The following B3GAT1 variants were observed in gnomAD, a reference collection of about 807,000 sequenced individuals.
The protein encoded by B3GAT1 is beta-1,3-glucuronyltransferase 1.
B3GAT1 carries 11 observed loss-of-function variants against 28.4 expected under a neutral mutation model. That is an observed-to-expected ratio of 0.39 (90% CI 0.24 to 0.64). B3GAT1 has a LOEUF of 0.64. B3GAT1 is among the 30% of genes least tolerant of loss of function. The pLI is 0.50. For synonymous variants in B3GAT1, 255 were observed against 223.1 expected (o/e 1.14, Z -1.27); for missense variants, 375 against 491.0 (o/e 0.76, Z 2.23).
chr11:134,387,132 G>GGAGTGTAGAT, intron 2 of B3GAT1: 1 of 187,586 alleles, frequency 5.3e-6, no homozygotes, highest in Non-Finnish European at 1.1e-5. Context: ...TGCCGACAGT[G>GGAGTGTAGAT]CTTCGCCCTT....
rs781722336 is a variant in B3GAT1 at position 134,384,032 on chromosome 11, G to C, written c.269C>G (p.Thr90Arg). ...SDTLPTIHVV[T>R]PTYSRPVQKA... ...CTGCACCGGGCGGCTGTAGGTGGGC[G>C]TCACCACGTGGATGGTGGGCAGCGT... The change falls in exon 3 of 6, where the codon ACG becomes AGG. Residue 90 changes from threonine (T) to arginine (R), a missense_variant. Transcript: ENST00000312527. 2 of 1,605,506 alleles carry C rather than the reference G, an allele frequency of 1.2e-6. No individual in the cohort carries two copies. Among genetic ancestry groups the C allele is most frequent in the East Asian group, 2.2e-5 (1 of 44,828 alleles).
At chr11:134,404,914 G>A (rs1465626779) in intron 1 of B3GAT1, among the ~76,000 whole-genome samples, 1 of 152,252 alleles carries the variant, frequency 6.6e-6, no homozygotes, top group African/African-American at 2.4e-5. Context: ...AGCCCAGGCA[G>A]GCTGGCAGAG....
intron 1 of B3GAT1, among the ~76,000 whole-genome samples, chr11:134,403,651 G>A (rs893893218): frequency 1.3e-5 from 2 of 152,136 alleles, no homozygotes; most frequent in Non-Finnish European, 1.5e-5. Flanking sequence ...GCCATTTATT[G>A]AGCTTTTGCT....
chr11:134,408,796 C>T (rs1944788408), intron 1 of B3GAT1, among the ~76,000 whole-genome samples: 1 of 118,724 alleles, frequency 8.4e-6, no homozygotes, highest in Non-Finnish European at 1.7e-5. Context: ...GGTGGGACAG[C>T]CTGCACCGAC....
intron 4 of B3GAT1, 96 bp from the exon 5 acceptor site, chr11:134,382,120 G>T: frequency 1.1e-6 from 1 of 946,510 alleles, no homozygotes; most frequent in Non-Finnish European, 1.7e-6. Flanking sequence ...CATTTCTCCT[G>T]CCCCTCCTTT....
intron 1 of B3GAT1, chr11:134,409,853 G>A (rs1052314552): frequency 6.6e-5 from 10 of 152,356 alleles, no homozygotes; most frequent in South Asian, 2.1e-4. Context: ...TCCTGAGCCC[G>A]TTCCTCTCCT....
rs548537208 is a variant in B3GAT1 at position 134,383,754 on chromosome 11, G to A, written c.547C>T (p.Arg183Cys). Residue 183 changes from arginine to cysteine, a missense_variant, in exon 3 of 6, where the codon CGC (arginine) becomes TGC (cysteine). Coordinates refer to ENST00000312527, the MANE Select transcript of B3GAT1 (RefSeq NM_054025.3). ...ALRWLRETFP[R>C]NSSQPGVVYF... ...ACCACGCCAGGCTGGCTGGAGTTGC[G>A]CGGGAAGGTCTCGCGCAGCCAGCGC... 2.5e-6 allele frequency: 4 copies of A among 1,596,294 alleles called. No individual in the cohort carries two copies. Among genetic ancestry groups the A allele is most frequent in the Admixed American group, 1.7e-5 (1 of 58,586 alleles).
At position 134,404,040 on chromosome 11, in the gene B3GAT1, G is replaced by A. The variant is rs1295758901; in HGVS notation, c.-282+7767C>T. Among the ~76,000 whole-genome samples, 19 of 106,414 alleles carry A rather than the reference G, an allele frequency of 1.8e-4. No homozygotes were observed. In the East Asian group the frequency reaches 2.5e-3, roughly 14 times the overall value. The allele number at this position is 106,414 out of a possible 152,430, so 69.8% of individuals were successfully genotyped here. A position where few individuals can be genotyped will look rare whatever the true frequency, so the allele number is the denominator to read the frequency against. On this transcript the variant is annotated intron_variant, in intron 1 of 5. Coordinates refer to ENST00000312527, the MANE Select transcript of B3GAT1 (RefSeq NM_054025.3). ...ATATATATATATATATTTATTATAC[G>A]TTAAGTTCTAGGGTACATGTGCACA... is the stretch of plus-strand genomic sequence containing the variant.
chr11:134,402,985 G>C (rs1944651289), intron 1 of B3GAT1, among the ~76,000 whole-genome samples: 1 of 152,122 alleles, frequency 6.6e-6, no homozygotes, highest in Non-Finnish European at 1.5e-5. Context: ...AACCAGAGTG[G>C]GCAGTGTGTG....
chr11:134,383,589 G>C, intron 3 of B3GAT1, 91 bp downstream of exon 3: 1 of 1,417,442 alleles, frequency 7.1e-7, no homozygotes, highest in Non-Finnish European at 9.2e-7. Context: ...TTCCCCCTGC[G>C]CGCGCCTCCG....
chr11:134,382,125 TC>T, intron 4 of B3GAT1, 101 bp from the exon 5 acceptor site: 1 of 887,620 alleles, frequency 1.1e-6, no homozygotes, highest in Non-Finnish European at 1.8e-6. Flanking sequence ...CTCCTGCCCC[TC>T]CTTTTCCTTC....
At chr11:134,387,978 G>A in intron 1 of B3GAT1, 38 bp from the exon 2 acceptor site, 1 of 883,492 alleles carries the variant, frequency 1.1e-6, no homozygotes, top group East Asian at 4.3e-5. Context: ...CAGAGACCCA[G>A]GTATAGGAAT....
chr11:134,380,413 G>A lies in B3GAT1; in HGVS notation c.*349C>T, dbSNP rs1944097662. ...CCCTCCCGCCCTGCATCACTGCAGG[G>A]CCAGTGTGGGCGCCCACTGCACCTG... On this transcript the variant is annotated 3_prime_UTR_variant, in exon 6 of 6. Coordinates refer to ENST00000312527, the MANE Select transcript of B3GAT1 (RefSeq NM_054025.3). The A allele has an allele frequency of 6.6e-6, 1 of 152,376 alleles. No homozygotes were observed. The allele number at this position is 152,376 out of a possible 1,614,324, so 9.4% of individuals were successfully genotyped here.
At chr11:134,381,284 C>T (rs1375550111) in intron 5 of B3GAT1, among the ~76,000 whole-genome samples, 5 of 152,172 alleles carry the variant, frequency 3.3e-5, no homozygotes, top group Admixed American at 6.5e-5. Context: ...GGCCTACTTC[C>T]AGAGAGGGCT....
chr11:134,407,416 G>C (rs1944755966), intron 1 of B3GAT1, among the ~76,000 whole-genome samples: 1 of 152,240 alleles, frequency 6.6e-6, no homozygotes, highest in Non-Finnish European at 1.5e-5. Context: ...ATCCCTCTAG[G>C]TCTTCTTCCT....
chr11:134,382,803 C>A lies in B3GAT1; in HGVS notation c.825G>T (p.Leu275=). The A allele has an allele frequency of 1.2e-6, 2 of 1,614,220 alleles. No homozygotes were observed. The highest frequency in any genetic ancestry group is 1.7e-6 in the Non-Finnish European group (2 of 1,180,028). The stretch of plus-strand genomic sequence containing the variant: ...CCTGGTAGCCTCCCTTCACACCTCG[C>A]AGCTTGAAGTAGGCCTGGCTTCGCT... ...ILQRSQAYFK[L]RGVKGGYQES... is the part of the protein sequence containing the mutation. Residue 275 remains leucine (L), a synonymous_variant, in exon 4 of 6, where the codon CTG becomes CTT. Transcript: ENST00000312527.
At position 134,387,849 on chromosome 11, in the gene B3GAT1, G is replaced by T; in HGVS notation, c.-190C>A. ...TACCAGCACTCACAACCCACCCATT[G>T]CGGAAGCAGGTTTGGAGAGTCCGGC... On this transcript the variant is annotated 5_prime_UTR_variant, in exon 2 of 6. Coordinates refer to ENST00000312527, the MANE Select transcript of B3GAT1 (RefSeq NM_054025.3). 6.5e-7 allele frequency: 1 copy of T among 1,528,966 alleles called. No homozygotes were observed. Among genetic ancestry groups the T allele is most frequent in the Non-Finnish European group, 8.8e-7 (1 of 1,142,602 alleles). 94.7% of individuals were successfully genotyped at this position (1,528,966 alleles called of 1,614,324 possible). A position where few individuals can be genotyped will look rare whatever the true frequency, so the allele number is the denominator to read the frequency against.
At position 134,399,176 on chromosome 11, in the gene B3GAT1, C is replaced by T. The variant is rs992861934; in HGVS notation, c.-281-11236G>A. 4.6e-5 allele frequency among the ~76,000 whole-genome samples: 7 copies of T among 152,320 alleles called. No individual in the cohort carries two copies. In the East Asian group the frequency reaches 5.8e-4, roughly 13 times the overall value. On this transcript the variant is annotated intron_variant, in intron 1 of 5. Transcript: ENST00000312527. ...TCAGAGGTTTCCCCACATCCCTACC[C>T]GCCTCCAGCCTCACCTCACCTGTTG...
At chr11:134,409,613 C>T (rs1397288273) in intron 1 of B3GAT1, 1 of 152,318 alleles carries the variant, frequency 6.6e-6, no homozygotes, top group Non-Finnish European at 1.5e-5. Context: ...AGTAGAATGT[C>T]CAACTGCTCT....
Sources: gnomAD v4.1 joint callset for allele counts (sites outside exome capture counted in the v4.1 genomes callset) on GRCh38, gnomAD v4.1.1 for gene constraint, MANE v1.5 for transcripts, NCBI Gene and HGNC (gene_info 2026-07-23, HGNC 2026-07-21) for gene names.